The following GSG1L variants were observed in gnomAD, a reference collection of about 807,000 sequenced individuals.
GSG1L encodes germ cell-specific gene 1-like protein.
In GSG1L, 24 loss-of-function variants were observed where a neutral mutation model predicts 42.1. The observed-to-expected ratio is 0.57, with a 90% CI of 0.41 to 0.80. The LOEUF (loss-of-function observed/expected upper bound fraction) is 0.80. Ranked by LOEUF, GSG1L falls within the 30% of genes least tolerant of loss-of-function variation. GSG1L has a pLI of 0.00. For missense variants in GSG1L, 445 were observed against 472.2 expected (o/e 0.94, Z 0.53); for synonymous variants, 215 against 203.5 (o/e 1.06, Z -0.48).
chr16:27,817,152 C>A (rs2083103771), intron 5 of GSG1L, among the ~76,000 whole-genome samples: 1 of 152,192 alleles, frequency 6.6e-6, no homozygotes, highest in Non-Finnish European at 1.5e-5. Context: ...CCACACTGTA[C>A]CTGCCGGCCT....
At chr16:28,060,823 A>G (rs2086331921) in intron 1 of GSG1L, among the ~76,000 whole-genome samples, 1 of 152,250 alleles carries the variant, frequency 6.6e-6, no homozygotes, top group Non-Finnish European at 1.5e-5. Flanking sequence ...TGAACGTTAA[A>G]GGCTCAATAA....
intron 1 of GSG1L, among the ~76,000 whole-genome samples, chr16:28,022,300 C>CT (rs770633230): frequency 1.3e-5 from 2 of 152,006 alleles, no homozygotes; most frequent in African/African-American, 4.8e-5. Context: ...CGTAAATCAT[C>CT]TTTTTTTAAT....
At chr16:27,949,859 AG>A (rs2084931607) in intron 2 of GSG1L, among the ~76,000 whole-genome samples, 1 of 152,198 alleles carries the variant, frequency 6.6e-6, no homozygotes, top group South Asian at 2.1e-4. Flanking sequence ...CGGGAGGCAG[AG>A]CTTGCGGTGA....
At chr16:27,992,535 G>A (rs189606342) in intron 1 of GSG1L, among the ~76,000 whole-genome samples, 1 of 151,266 alleles carries the variant, frequency 6.6e-6, no homozygotes, top group Non-Finnish European at 1.5e-5. Context: ...GGTGGGTGTG[G>A]GGAGCTACTG....
intron 4 of GSG1L, among the ~76,000 whole-genome samples, chr16:27,838,998 T>C (rs1183089798): frequency 1.3e-5 from 2 of 152,202 alleles, no homozygotes; most frequent in Admixed American, 6.5e-5. Context: ...CCAGTTGTCT[T>C]TGGGGCCCAG....
In GSG1L at chr16:27,790,627, C is replaced by T. The variant is rs543433461; in HGVS notation, c.*743G>A. The T allele has an allele frequency of 6.6e-6, 1 of 152,458 alleles. No individual in the cohort carries two copies. Among genetic ancestry groups the T allele is most frequent in the Non-Finnish European group, 1.5e-5 (1 of 68,154 alleles). The allele number at this position is 152,458 out of a possible 1,614,324, so 9.4% of individuals were successfully genotyped here. A position where few individuals can be genotyped will look rare whatever the true frequency, so the allele number is the denominator to read the frequency against. On this transcript the variant is annotated 3_prime_UTR_variant, in exon 7 of 7. Transcript: ENST00000447459. ...GCTTCTTCACCCTCCCTGCTTAGGGCTTGGGTTTGGGGGCCCACTTCTTGC... is the reference window on the plus strand; with the variant it reads ...GCTTCTTCACCCTCCCTGCTTAGGGTTTGGGTTTGGGGGCCCACTTCTTGC...
intron 1 of GSG1L, among the ~76,000 whole-genome samples, chr16:27,991,714 A>AC (rs1439842578): frequency 6.6e-6 from 1 of 151,906 alleles, no homozygotes; most frequent in East Asian, 1.9e-4. Flanking sequence ...CCATATTTCT[A>AC]CTATTCAAAT....
chr16:27,968,907 G>A (rs925661393), intron 1 of GSG1L, among the ~76,000 whole-genome samples: 5 of 152,136 alleles, frequency 3.3e-5, no homozygotes, highest in African/African-American at 1.2e-4. Context: ...TCAGGAGTTC[G>A]AGACAAGCCT....
intron 3 of GSG1L, among the ~76,000 whole-genome samples, chr16:27,877,275 C>T (rs905234335): frequency 3.9e-5 from 6 of 152,190 alleles, no homozygotes; most frequent in East Asian, 3.9e-4. Flanking sequence ...CGAGAAAGGC[C>T]GTGGTCTAGT....
intron 2 of GSG1L, among the ~76,000 whole-genome samples, chr16:27,890,671 G>A (rs2084115006): frequency 6.6e-6 from 1 of 152,212 alleles, no homozygotes; most frequent in Non-Finnish European, 1.5e-5. Flanking sequence ...TTCACTGAGT[G>A]TGGAACAGTG....
At chr16:27,990,541 C>T (rs1482705298) in intron 1 of GSG1L, among the ~76,000 whole-genome samples, 1 of 152,132 alleles carries the variant, frequency 6.6e-6, no homozygotes, top group African/African-American at 2.4e-5. Context: ...GAAAGACTGG[C>T]CTAGTTCCTT....
At chr16:28,005,285 G>T (rs2085626423) in intron 1 of GSG1L, among the ~76,000 whole-genome samples, 2 of 152,116 alleles carry the variant, frequency 1.3e-5, no homozygotes, top group Non-Finnish European at 2.9e-5. Flanking sequence ...AGCTAATTCT[G>T]TATTTTTAGT....
Position 27,789,835 on chromosome 16 carries a change from T to G in GSG1L, c.*1535A>C, listed in dbSNP as rs2082733061. 6.7e-6 allele frequency: 1 copy of G among 149,900 alleles called. No individual in the cohort carries two copies. The highest frequency in any genetic ancestry group is 2.5e-5 in the African/African-American group (1 of 40,608). The allele number at this position is 149,900 out of a possible 1,614,324, so 9.3% of individuals were successfully genotyped here. On this transcript the variant is annotated 3_prime_UTR_variant, in exon 7 of 7. Coordinates refer to ENST00000447459, the MANE Select transcript of GSG1L (RefSeq NM_001109763.2). ...ATGGATGGATGGATGGGTGGATGGA[T>G]GGATGAAGGATGGATGGATGGATGA...
At chr16:27,823,384 C>T (rs2083170626) in intron 5 of GSG1L, among the ~76,000 whole-genome samples, 1 of 152,182 alleles carries the variant, frequency 6.6e-6, no homozygotes, top group East Asian at 1.9e-4. Flanking sequence ...CAGCGCTGAA[C>T]ACCATTTCAA....
chr16:27,845,934 GCT>G (rs2083438233), intron 3 of GSG1L, among the ~76,000 whole-genome samples: 2 of 149,722 alleles, frequency 1.3e-5, no homozygotes, highest in Non-Finnish European at 3.0e-5. Flanking sequence ...AAAGAGTCTC[GCT>G]CTGTCACCCA....
At chr16:27,938,747 T>C (rs1204671542) in intron 2 of GSG1L, among the ~76,000 whole-genome samples, 1 of 151,986 alleles carries the variant, frequency 6.6e-6, no homozygotes, top group Non-Finnish European at 1.5e-5. Context: ...GAGCCAAAGG[T>C]AAGATTCTGA....
chr16:27,801,989 G>A (rs989821702), intron 6 of GSG1L, among the ~76,000 whole-genome samples: 3 of 152,138 alleles, frequency 2.0e-5, no homozygotes, highest in African/African-American at 7.2e-5. Context: ...ATCAAATGCA[G>A]GTATCATCAT....
chr16:28,028,358 C>G (rs1463210861), intron 1 of GSG1L, among the ~76,000 whole-genome samples: 1 of 151,976 alleles, frequency 6.6e-6, no homozygotes, highest in Non-Finnish European at 1.5e-5. Context: ...ATAAACCAAG[C>G]CTTGAGGAGG....
At chr16:27,877,753 T>G (rs762596861) in intron 3 of GSG1L, among the ~76,000 whole-genome samples, 2 of 152,186 alleles carry the variant, frequency 1.3e-5, no homozygotes, top group Non-Finnish European at 2.9e-5. Context: ...ACCTTTGATA[T>G]CTGTTCAAAT....
Sources: allele counts gnomAD v4.1 joint callset (sites outside exome capture counted in the v4.1 genomes callset), GRCh38; gene constraint gnomAD v4.1.1; transcripts MANE v1.5; gene names NCBI Gene and HGNC (gene_info 2026-07-23, HGNC 2026-07-21).